Variants in RABIF observed in about 807,000 individuals in gnomAD.
RABIF encodes RAB interacting factor, also known as guanine nucleotide exchange factor MSS4.
RABIF carries 13 observed loss-of-function variants against 12.3 expected under a neutral mutation model. That is an observed-to-expected ratio of 1.06 (90% CI 0.69 to 1.68). RABIF has a LOEUF of 1.68. Among genes scored for constraint, RABIF ranks in the 40% most tolerant of loss-of-function variants. The pLI, the probability that RABIF is intolerant of heterozygous loss-of-function variation, is 0.00. For synonymous variants in RABIF, 70 were observed against 63.3 expected, an observed-to-expected ratio of 1.11 and a Z score of -0.50; for missense variants, 153 against 158.0, an observed-to-expected ratio of 0.97 and a Z score of 0.17.
chr1:202,888,510 G>A (rs1344933183), intron 1 of RABIF, among the ~76,000 whole-genome samples: 1 of 152,222 alleles, frequency 6.6e-6, no homozygotes, highest in African/African-American at 2.4e-5. Context: ...GGTGAATTCA[G>A]GACTGGCGGG....
chr1:202,887,477 C>CAGAT (rs1659580544), intron 1 of RABIF, among the ~76,000 whole-genome samples: 1 of 149,908 alleles, frequency 6.7e-6, no homozygotes, highest in Non-Finnish European at 1.5e-5. Flanking sequence ...TAGCAACCTG[C>CAGAT]ATCTCATGGA....
rs1431389200 is a variant in RABIF, at chr1:202,880,214, C to T, written c.*764G>A. 6.6e-6 allele frequency: 1 copy of T among 152,242 alleles called. No individual in the cohort carries two copies. The highest frequency in any genetic ancestry group is 1.9e-4 in the East Asian group (1 of 5,202). The allele number at this position is 152,242 out of a possible 1,614,324, so 9.4% of individuals were successfully genotyped here. A position where few individuals can be genotyped will look rare whatever the true frequency, so the allele number is the denominator to read the frequency against. On this transcript the variant is annotated 3_prime_UTR_variant, in exon 2 of 2. Transcript: ENST00000367262. ...ACCCTCCACTCTCATTCTAAGAGAG[C>T]CTGAGTAAACAGCCAGGGCTGGGTT...
Position 202,884,537 on chromosome 1 carries a change from T to C in RABIF, c.127-3314A>G, listed in dbSNP as rs556550383. Reference sequence around the variant, plus strand: ...ACTTTTGCCACTTCTCATGGGACACTTGTGCGGGGAGCCTTCAGCCACTGT... The same window carrying C: ...ACTTTTGCCACTTCTCATGGGACACCTGTGCGGGGAGCCTTCAGCCACTGT... On this transcript the variant is annotated intron_variant, in intron 1 of 1. Coordinates refer to ENST00000367262, the MANE Select transcript of RABIF (RefSeq NM_002871.5). Among the ~76,000 whole-genome samples the C allele has an allele frequency of 2.6e-5, 4 of 152,250 alleles. No individual in the cohort carries two copies. The South Asian group carries it at 8.3e-4, about 32-fold the overall frequency.
In RABIF at chr1:202,889,081, C is replaced by T. The variant is rs140334208; in HGVS notation, c.18G>A (p.Gln6=). 607 of 1,608,118 alleles carry T rather than the reference C, an allele frequency of 3.8e-4. No individual in the cohort carries two copies. The African/African-American group carries it at 7.0e-3, about 18-fold the overall frequency. The change falls in exon 1 of 2, where the codon CAG becomes CAA. Residue 6 remains glutamine, a synonymous_variant. Transcript: ENST00000367262. MEPAE[Q]PSELVSAEGR... is the part of the protein sequence containing the mutation. The stretch of plus-strand genomic sequence containing the variant: ...CCTCGGCTGACACTAACTCGCTCGG[C>T]TGCTCCGCTGGTTCCATCGCCGCTG...
In RABIF at chr1:202,881,124, T is replaced by C. The variant is rs1219712234; in HGVS notation, c.226A>G (p.Ile76Val). Residue 76 changes from isoleucine (I) to valine (V), a missense_variant, in exon 2 of 2, where the codon ATT becomes GTT. Physicochemically the swap from Ile to Val is conservative, Grantham distance 29. Transcript: ENST00000367262. ...QEHWLVEDMF[I>V]FENVGFTKDV... is the part of the protein sequence containing the mutation. ...TTGGTGAAGCCCACATTCTCAAAAA[T>C]GAACATGTCCTCAACCAGCCAGTGT... The C allele has an allele frequency of 1.9e-6, 3 of 1,614,138 alleles. No individual in the cohort carries two copies. Among genetic ancestry groups the C allele is most frequent in the Non-Finnish European group, 2.5e-6 (3 of 1,180,038 alleles).
At chr1:202,883,517 C>G (rs748077786) in intron 1 of RABIF, among the ~76,000 whole-genome samples, 3 of 152,232 alleles carry the variant, frequency 2.0e-5, no homozygotes, top group African/African-American at 4.8e-5. Context: ...GTATTTCTGG[C>G]TTATCCCCTA....
chr1:202,881,133 C>G lies in RABIF; in HGVS notation c.217G>C (p.Asp73His), dbSNP rs771635891. ...CCCACATTCTCAAAAATGAACATGT[C>G]CTCAACCAGCCAGTGTTCCTGGAGG... is the stretch of plus-strand genomic sequence containing the variant. ...DLLQEHWLVE[D>H]MFIFENVGFT... Residue 73 changes from aspartate to histidine, a missense_variant, in exon 2 of 2, where the codon GAC becomes CAC. Coordinates refer to ENST00000367262, the MANE Select transcript of RABIF (RefSeq NM_002871.5). 1 of 1,614,190 alleles carries G rather than the reference C, an allele frequency of 6.2e-7. No homozygotes were observed. The highest frequency in any genetic ancestry group is 8.5e-7 in the Non-Finnish European group (1 of 1,180,036).
At chr1:202,885,567 A>G (rs1429657055) in intron 1 of RABIF, among the ~76,000 whole-genome samples, 1 of 152,252 alleles carries the variant, frequency 6.6e-6, no homozygotes, top group Non-Finnish European at 1.5e-5. Context: ...GAGAAAAAAG[A>G]GCTACCCCGA....
chr1:202,884,601 C>A (rs1295201407), intron 1 of RABIF, among the ~76,000 whole-genome samples: 1 of 152,104 alleles, frequency 6.6e-6, no homozygotes, highest in Non-Finnish European at 1.5e-5. Flanking sequence ...CATGTGGAGA[C>A]CAGGCTGGGG....
In RABIF at chr1:202,880,742, A is replaced by C. The variant is rs1311503088; in HGVS notation, c.*236T>G. 21 of 1,277,532 alleles carry C rather than the reference A, an allele frequency of 1.6e-5. No individual in the cohort carries two copies. The highest frequency in any genetic ancestry group is 1.8e-5 in the Non-Finnish European group (18 of 1,006,220). The allele number at this position is 1,277,532 out of a possible 1,614,324, so 79.1% of individuals were successfully genotyped here. A position where few individuals can be genotyped will look rare whatever the true frequency, so the allele number is the denominator to read the frequency against. On this transcript the variant is annotated 3_prime_UTR_variant, in exon 2 of 2. Transcript: ENST00000367262. ...TTGGAGGTAAGCACAGTGTCCCAAA[A>C]CTGGGGGAAAAGGGAGCTTAGGAAA... is the stretch of plus-strand genomic sequence containing the variant.
intron 1 of RABIF, among the ~76,000 whole-genome samples, chr1:202,886,393 C>G (rs955316650): frequency 1.3e-5 from 2 of 151,916 alleles, no homozygotes; most frequent in Non-Finnish European, 2.9e-5. Flanking sequence ...AGCGGCTCAC[C>G]TGGCCAACAT....
intron 1 of RABIF, among the ~76,000 whole-genome samples, chr1:202,885,974 A>C (rs1659555018): frequency 1.3e-5 from 2 of 150,902 alleles, no homozygotes; most frequent in African/African-American, 4.8e-5. Flanking sequence ...CAAAAAAAAA[A>C]AAACCCACCT....
At chr1:202,881,353 C>A in intron 1 of RABIF, 130 bp from the exon 2 acceptor site, 2 of 1,333,164 alleles carry the variant, frequency 1.5e-6, no homozygotes, top group Non-Finnish European at 2.0e-6. Flanking sequence ...TCTCATTAAG[C>A]TGTAGACGAT....
chr1:202,880,478 C>T lies in RABIF; in HGVS notation c.*500G>A, dbSNP rs10753924. 0.96 allele frequency: 163,871 copies of T among 170,162 alleles called. 79,254 individuals are homozygous for T. The highest frequency in any genetic ancestry group is 1 in the East Asian group (5,282 of 5,282). 10.5% of individuals were successfully genotyped at this position (170,162 alleles called of 1,614,324 possible). On this transcript the variant is annotated 3_prime_UTR_variant, in exon 2 of 2. Transcript: ENST00000367262. ...ATACTGAGTTTTGAAAATGCTTTAC[C>T]TTTAGAAAGAATAAATTACTGTAGA...
At chr1:202,886,430 A>G (rs930278573) in intron 1 of RABIF, among the ~76,000 whole-genome samples, 1 of 152,052 alleles carries the variant, frequency 6.6e-6, no homozygotes, top group Admixed American at 6.5e-5. Flanking sequence ...TACTAAAAAT[A>G]CAAAAATTAG....
Position 202,881,231 on chromosome 1 carries a change from G to A in RABIF, c.127-8C>T. The A allele has an allele frequency of 6.2e-7, 1 of 1,609,016 alleles. No homozygotes were observed. The highest frequency in any genetic ancestry group is 1.1e-5 in the South Asian group (1 of 90,752). On this transcript the variant is annotated splice_region_variant and splice_polypyrimidine_tract_variant and intron_variant, in intron 1 of 1. Coordinates refer to ENST00000367262, the MANE Select transcript of RABIF (RefSeq NM_002871.5). ...CATGGAGGGAAGGAAAAGCTGCAGT[G>A]GGAAAGAACATAAAGAACGCAGAAG...
rs1659609915 is a variant in RABIF at position 202,889,023 on chromosome 1, A to G, written c.76T>C (p.Cys26Arg). ...CCTGGCTGCAGCACCCGGGAGCCGCAACGCTGGCACAGCACCGCCTTCCGG... is the reference window on the plus strand; with the variant it reads ...CCTGGCTGCAGCACCCGGGAGCCGCGACGCTGGCACAGCACCGCCTTCCGG... ...RNRKAVLCQRCGSRVLQPGTA... is the reference protein window; with the variant it reads ...RNRKAVLCQRRGSRVLQPGTA... Residue 26 changes from cysteine (C) to arginine (R), a missense_variant, in exon 1 of 2, where the codon TGC becomes CGC. By Grantham distance (180) the Cys-to-Arg change is radical (BLOSUM62 -3). Around this residue, in one of 2 missense-constraint regions of RABIF, gnomAD observed 113 missense variants for 90.9 expected, o/e 1.24. Coordinates refer to ENST00000367262, the MANE Select transcript of RABIF (RefSeq NM_002871.5). 7 of 1,605,658 alleles carry G rather than the reference A, an allele frequency of 4.4e-6. No homozygotes were observed. The highest frequency in any genetic ancestry group is 5.9e-6 in the Non-Finnish European group (7 of 1,176,780).
chr1:202,885,086 C>CAAAAAAAAAAAAA (rs113531957), intron 1 of RABIF, among the ~76,000 whole-genome samples: 4 of 120,658 alleles, frequency 3.3e-5, no homozygotes, highest in Non-Finnish European at 5.1e-5. Context: ...GACTCTATCT[C>CAAAAAAAAAAAAA]AAAAAAAAAA....
At chr1:202,885,772 A>G (rs1446445561) in intron 1 of RABIF, among the ~76,000 whole-genome samples, 1 of 152,234 alleles carries the variant, frequency 6.6e-6, no homozygotes, top group Non-Finnish European at 1.5e-5. Context: ...CCTAGAAGTT[A>G]TATTTTTGCT....
Sources: allele counts gnomAD v4.1 joint callset (sites outside exome capture counted in the v4.1 genomes callset), GRCh38; gene constraint gnomAD v4.1.1; regional missense constraint gnomAD v4.1.1; transcripts MANE v1.5; gene names NCBI Gene and HGNC (gene_info 2026-07-23, HGNC 2026-07-21).